Variants in MGA observed in about 807,000 individuals in gnomAD.
The protein encoded by MGA is MAX dimerization protein MGA, also known as MAX gene-associated protein.
MGA carries 40 observed loss-of-function variants against 261.1 expected under a neutral mutation model. The observed-to-expected ratio is 0.15, with a 90% CI of 0.12 to 0.20. MGA has a LOEUF of 0.20. Ranked by LOEUF, MGA falls within the 10% of genes least tolerant of loss-of-function variation. MGA has a pLI of 1.00. For synonymous variants in MGA, 1,302 were observed against 1,290.6 expected (o/e 1.01, Z -0.19); for missense variants, 3,397 against 3,630.5 (o/e 0.94, Z 1.65).
At chr15:41,676,341 C>T (rs1051963929) in intron 2 of MGA, among the ~76,000 whole-genome samples, 2 of 152,196 alleles carry the variant, frequency 1.3e-5, no homozygotes, top group Admixed American at 6.5e-5. Context: ...CGCCACCAAA[C>T]CTGGCTAATT....
chr15:41,702,950 C>T (rs1270060207), intron 5 of MGA, among the ~76,000 whole-genome samples: 3 of 152,010 alleles, frequency 2.0e-5, no homozygotes, highest in African/African-American at 4.8e-5. Flanking sequence ...TTTTTTCCCC[C>T]CATTCCTAAT....
intron 15 of MGA, among the ~76,000 whole-genome samples, chr15:41,744,848 G>A (rs1022022209): frequency 6.6e-6 from 1 of 152,038 alleles, no homozygotes; most frequent in African/African-American, 2.4e-5. Flanking sequence ...TTAATCAACT[G>A]CTTTTTTATA....
At position 41,669,070 on chromosome 15, in the gene MGA, A is replaced by G. The variant is rs557073243; in HGVS notation, c.176A>G (p.Lys59Arg). Reference sequence around the variant, plus strand: ...GCTAGTAGTGTGTCATCACCAGTAAAATCTAAAGGGAAGATTTGCCTTCCA... The same window carrying G: ...GCTAGTAGTGTGTCATCACCAGTAAGATCTAAAGGGAAGATTTGCCTTCCA... Residue 59 changes from lysine to arginine, a missense_variant, in exon 2 of 24, where the codon AAA becomes AGA. By Grantham distance (26) the Lys-to-Arg change is conservative. Around this residue, in one of 9 missense-constraint regions of MGA, gnomAD observed 81 missense variants for 84.3 expected, o/e 0.96. Coordinates refer to ENST00000219905, the MANE Select transcript of MGA (RefSeq NM_001164273.2). 2 of 1,610,632 alleles carry G rather than the reference A, an allele frequency of 1.2e-6. No individual in the cohort carries two copies. Among genetic ancestry groups the G allele is most frequent in the African/African-American group, 2.7e-5 (2 of 74,964 alleles).
In MGA at chr15:41,767,317, G is replaced by T; in HGVS notation, c.*37G>T. The T allele has an allele frequency of 6.4e-7, 1 of 1,556,678 alleles. No homozygotes were observed. The highest frequency in any genetic ancestry group is 1.2e-5 in the South Asian group (1 of 83,296). ...CTTAAGCAGAAGCCAGGCTGTGAGG[G>T]GAAATAGATCTCACCTCCTTTCTCT... On this transcript the variant is annotated 3_prime_UTR_variant, in exon 24 of 24. Transcript: ENST00000219905.
At position 41,764,910 on chromosome 15, in the gene MGA, C is replaced by A. The variant is rs1319090803; in HGVS notation, c.7769C>A (p.Pro2590Gln). 3.7e-6 allele frequency: 6 copies of A among 1,613,870 alleles called. No homozygotes were observed. Among genetic ancestry groups the A allele is most frequent in the Non-Finnish European group, 3.4e-6 (4 of 1,179,876 alleles). The change falls in exon 23 of 24, where the codon CCA becomes CAA. Residue 2590 changes from proline to glutamine, a missense_variant. Pro to Gln is a moderately conservative substitution (Grantham distance 76). Transcript: ENST00000219905. Reference sequence around the variant, plus strand: ...GAAAATACCTCACCCTTGAACACTCCACACACCTCTGCCAACCTTGTGATG... The same window carrying A: ...GAAAATACCTCACCCTTGAACACTCAACACACCTCTGCCAACCTTGTGATG...
At chr15:41,732,319 T>C (rs966064388) in intron 11 of MGA, among the ~76,000 whole-genome samples, 6 of 152,226 alleles carry the variant, frequency 3.9e-5, no homozygotes, top group African/African-American at 1.2e-4. Context: ...GGCTAATTTT[T>C]TGTATTTTTT....
At chr15:41,639,184 T>G (rs1160984451) in intron 1 of MGA, among the ~76,000 whole-genome samples, 1 of 152,182 alleles carries the variant, frequency 6.6e-6, no homozygotes, top group Non-Finnish European at 1.5e-5. Flanking sequence ...CCATCCCACT[T>G]CTGACTTCAC....
rs111910951 is a variant in MGA, at chr15:41,678,241, C to T, written c.1064+8283C>T. On this transcript the variant is annotated intron_variant, in intron 2 of 23. Coordinates refer to ENST00000219905, the MANE Select transcript of MGA (RefSeq NM_001164273.2). ...GAGTAGCTGGGATTACAGGCGCTGG[C>T]CACCATGCCCAGCTAATTTTTGTAT... is the stretch of plus-strand genomic sequence containing the variant. Among the ~76,000 whole-genome samples, 699 of 151,666 alleles carry T rather than the reference C, an allele frequency of 4.6e-3. 7 individuals are homozygous for T. Among genetic ancestry groups the T allele is most frequent in the African/African-American group, 0.016 (664 of 41,394 alleles).
At chr15:41,687,585 G>A (rs534091621) in intron 2 of MGA, among the ~76,000 whole-genome samples, 102 of 152,136 alleles carry the variant, frequency 6.7e-4, no homozygotes, top group African/African-American at 2.4e-3. Flanking sequence ...TAAACTATTC[G>A]TTTGACTCTT....
rs1289174631 is a variant in MGA, at chr15:41,698,859, A to G, written c.2014-4A>G. 3.3e-6 allele frequency: 5 copies of G among 1,510,356 alleles called. No individual in the cohort carries two copies. The South Asian group carries it at 3.8e-5, about 12-fold the overall frequency. The allele number at this position is 1,510,356 out of a possible 1,614,324, so 93.6% of individuals were successfully genotyped here. A position where few individuals can be genotyped will look rare whatever the true frequency, so the allele number is the denominator to read the frequency against. On this transcript the variant is annotated splice_polypyrimidine_tract_variant and splice_region_variant and intron_variant, in intron 3 of 23. Transcript: ENST00000219905. Reference sequence around the variant, plus strand: ...TACTATTTTTTTTTTTTTTTGATGTATAGGAAGCTCTAGACATTCATGCAG... The same window carrying G: ...TACTATTTTTTTTTTTTTTTGATGTGTAGGAAGCTCTAGACATTCATGCAG...
chr15:41,720,261 G>A (rs2060870968), intron 9 of MGA, among the ~76,000 whole-genome samples: 1 of 152,180 alleles, frequency 6.6e-6, no homozygotes, highest in Non-Finnish European at 1.5e-5. Flanking sequence ...CAGGCTGGGT[G>A]CTGTGGCTCA....
chr15:41,729,303 A>G lies in MGA; in HGVS notation c.3797A>G (p.Gln1266Arg). The G allele has an allele frequency of 6.2e-7, 1 of 1,614,026 alleles. No individual in the cohort carries two copies. The highest frequency in any genetic ancestry group is 8.5e-7 in the Non-Finnish European group (1 of 1,179,886). ...TCCTCCCCATCTCCATCATTTCAGCAGCAAACTTCATGTCATTCTAGCCCT... is the reference window on the plus strand; with the variant it reads ...TCCTCCCCATCTCCATCATTTCAGCGGCAAACTTCATGTCATTCTAGCCCT... The change falls in exon 11 of 24, where the codon CAG (glutamine) becomes CGG (arginine). Residue 1266 changes from glutamine (Q) to arginine (R), a missense_variant. By Grantham distance (43) the Gln-to-Arg change is conservative (BLOSUM62 1). Coordinates refer to ENST00000219905, the MANE Select transcript of MGA (RefSeq NM_001164273.2).
intron 7 of MGA, among the ~76,000 whole-genome samples, chr15:41,708,753 A>G (rs1179570811): frequency 6.6e-6 from 1 of 152,134 alleles, no homozygotes; most frequent in Non-Finnish European, 1.5e-5. Context: ...CATTTCTGTT[A>G]TTTCTGTTTC....
chr15:41,666,441 A>G (rs2057742872), intron 1 of MGA, among the ~76,000 whole-genome samples: 1 of 152,226 alleles, frequency 6.6e-6, no homozygotes, highest in Non-Finnish European at 1.5e-5. Context: ...TAAAAAGGAA[A>G]AATCTTTTAC....
intron 1 of MGA, among the ~76,000 whole-genome samples, chr15:41,662,730 A>G (rs945540046): frequency 1.3e-5 from 2 of 152,218 alleles, no homozygotes; most frequent in African/African-American, 4.8e-5. Flanking sequence ...TTATTGGCTA[A>G]ATACTGAAAT....
intron 2 of MGA, among the ~76,000 whole-genome samples, chr15:41,674,842 T>C (rs2058291147): frequency 1.3e-5 from 2 of 152,220 alleles, no homozygotes; most frequent in Non-Finnish European, 2.9e-5. Context: ...TTAAAGCCAC[T>C]GATGTTTCTA....
chr15:41,640,130 G>T (rs570942805), intron 1 of MGA, among the ~76,000 whole-genome samples: 3 of 152,194 alleles, frequency 2.0e-5, no homozygotes, highest in African/African-American at 4.8e-5. Flanking sequence ...AATAGGAGGA[G>T]ATTAGGGAGA....
In MGA at chr15:41,669,130, T is replaced by A; in HGVS notation, c.236T>A (p.Leu79His). The change falls in exon 2 of 24, where the codon CTC becomes CAC. Residue 79 changes from leucine (L) to histidine (H), a missense_variant. This residue lies in a region of MGA where 104 missense variants were observed against 212.9 expected (regional missense o/e 0.49). Transcript: ENST00000219905. ...ACTGTGGGTGGAATCACTGTTACCC[T>A]CGATAACAATAGTATGTGGAATGAG... 6.2e-7 allele frequency: 1 copy of A among 1,613,060 alleles called. No individual in the cohort carries two copies. The highest frequency in any genetic ancestry group is 8.5e-7 in the Non-Finnish European group (1 of 1,179,042).
At position 41,747,433 on chromosome 15, in the gene MGA, T is replaced by C. The variant is rs1028362185; in HGVS notation, c.5213-1204T>C. On this transcript the variant is annotated intron_variant, in intron 15 of 23. Transcript: ENST00000219905. The stretch of plus-strand genomic sequence containing the variant: ...TAAATTGTGCAGAATCTGGATTTTA[T>C]TTAAAAACATAAGAGGCCAGGCACA... Among the ~76,000 whole-genome samples, 4 of 152,140 alleles carry C rather than the reference T, an allele frequency of 2.6e-5. No homozygotes were observed. In the East Asian group the frequency reaches 5.8e-4, roughly 22 times the overall value.
Sources: allele counts gnomAD v4.1 joint callset (sites outside exome capture counted in the v4.1 genomes callset), GRCh38; gene constraint gnomAD v4.1.1; regional missense constraint gnomAD v4.1.1; transcripts MANE v1.5; gene names NCBI Gene and HGNC (gene_info 2026-07-23, HGNC 2026-07-21).